Variants in KANK1 observed in about 807,000 individuals in gnomAD.
KANK1 encodes KN motif and ankyrin repeat domains 1, also known as KN motif and ankyrin repeat domain-containing protein 1.
Under a neutral mutation model 106.2 loss-of-function variants are expected in KANK1, and 109 were observed. The ratio of observed to expected loss-of-function variants is 1.03; its 90% CI spans 0.88 to 1.20. The LOEUF is 1.20. Ranked by LOEUF, KANK1 falls within the 50% of genes most tolerant of loss-of-function variation. The pLI is 0.00. For missense variants in KANK1, 2,399 were observed against 1,710.7 expected, an observed-to-expected ratio of 1.40 and a Z score of -7.10; for synonymous variants, 873 against 652.2, an observed-to-expected ratio of 1.34 and a Z score of -5.16.
chr9:589,830 G>A (rs184453301), intron 1 of KANK1, among the ~76,000 whole-genome samples: 1 of 152,184 alleles, frequency 6.6e-6, no homozygotes, highest in African/African-American at 2.4e-5. Context: ...ATCTGTGTGG[G>A]AAATGGGCCA....
chr9:699,312 C>T (rs1399474560), intron 2 of KANK1, among the ~76,000 whole-genome samples: 1 of 152,192 alleles, frequency 6.6e-6, no homozygotes, highest in Non-Finnish European at 1.5e-5. Context: ...TTTTGCTTAG[C>T]ACCTAGCCGT....
chr9:710,435 T>A (rs915227882), intron 2 of KANK1, among the ~76,000 whole-genome samples: 2 of 151,866 alleles, frequency 1.3e-5, no homozygotes, highest in African/African-American at 4.8e-5. Context: ...CTGGCCAACA[T>A]GGTGAAACCC....
chr9:703,686 A>C (rs1372853280), intron 2 of KANK1, among the ~76,000 whole-genome samples: 1 of 151,990 alleles, frequency 6.6e-6, no homozygotes, highest in East Asian at 1.9e-4. Flanking sequence ...GAGTCTCTTT[A>C]TAACCCAGGT....
At chr9:550,671 C>A (rs939061870) in intron 1 of KANK1, among the ~76,000 whole-genome samples, 2 of 152,188 alleles carry the variant, frequency 1.3e-5, no homozygotes, top group Non-Finnish European at 1.5e-5. Context: ...GGATTAAATT[C>A]TCTCACGTGC....
chr9:559,920 T>G (rs1587814829), intron 1 of KANK1, among the ~76,000 whole-genome samples: 1 of 152,236 alleles, frequency 6.6e-6, no homozygotes, highest in South Asian at 2.1e-4. Flanking sequence ...TGGAACTTTC[T>G]TAAGCATTTT....
intron 1 of KANK1, among the ~76,000 whole-genome samples, chr9:587,892 C>A (rs995021064): frequency 4.6e-5 from 7 of 152,048 alleles, no homozygotes; most frequent in East Asian, 3.9e-4. Flanking sequence ...ATGGCGAAAC[C>A]CCGTCTCTAA....
At chr9:593,196 G>A (rs939154601) in intron 1 of KANK1, among the ~76,000 whole-genome samples, 7 of 151,796 alleles carry the variant, frequency 4.6e-5, no homozygotes, top group African/African-American at 1.7e-4. Flanking sequence ...TCCTTTGGCA[G>A]ACCATGTGTT....
At chr9:597,200 A>G (rs952316240) in intron 1 of KANK1, among the ~76,000 whole-genome samples, 1 of 151,790 alleles carries the variant, frequency 6.6e-6, no homozygotes, top group Non-Finnish European at 1.5e-5. Flanking sequence ...GTGTGTAAGT[A>G]CTTGAGTCCC....
intron 1 of KANK1, among the ~76,000 whole-genome samples, chr9:609,157 C>G (rs1443982787): frequency 6.6e-6 from 1 of 151,866 alleles, no homozygotes; most frequent in East Asian, 1.9e-4. Flanking sequence ...TTGGCTTTAC[C>G]TAGTATTATT....
Position 711,356 on chromosome 9 carries a change from C to T in KANK1, c.590C>T (p.Pro197Leu), listed in dbSNP as rs149974823. The T allele has an allele frequency of 1.2e-6, 2 of 1,613,968 alleles. No individual in the cohort carries two copies. The highest frequency in any genetic ancestry group is 1.3e-5 in the African/African-American group (1 of 74,854). The change falls in exon 3 of 12, where the codon CCT becomes CTT. Residue 197 changes from proline to leucine, a missense_variant. Physicochemically the swap from Pro to Leu is moderately conservative, Grantham distance 98. Transcript: ENST00000382297. ...GGCATGGGCACCACAAGCTCCCTCC[C>T]TTCTTTTGTGGGTTCTGGAAACCAC... Reference protein sequence around the residue: ...FGGMGTTSSLPSFVGSGNHNP... With the variant: ...FGGMGTTSSLLSFVGSGNHNP...
Position 711,200 on chromosome 9 carries a change from C to T in KANK1, c.434C>T (p.Pro145Leu), listed in dbSNP as rs1707267348. 8.1e-6 allele frequency: 13 copies of T among 1,614,156 alleles called. No individual in the cohort carries two copies. The highest frequency in any genetic ancestry group is 1.1e-5 in the Non-Finnish European group (13 of 1,180,030). The change falls in exon 3 of 12, where the codon CCA becomes CTA. Residue 145 changes from proline (P) to leucine (L), a missense_variant. Pro to Leu is a moderately conservative substitution (Grantham distance 98). Transcript: ENST00000382297. ...AATCGACAGCTGCCACCTCCCTCAC[C>T]ACAACTCCCAAAGCATAACCTTCAT... The part of the protein sequence containing the change: ...PENRQLPPPS[P>L]QLPKHNLHVT...
At chr9:598,941 TA>T (rs1318788696) in intron 1 of KANK1, among the ~76,000 whole-genome samples, 1 of 148,662 alleles carries the variant, frequency 6.7e-6, no homozygotes, top group Non-Finnish European at 1.5e-5. Context: ...CATCCCTAGG[TA>T]TTTTATTCTT....
intron 1 of KANK1, among the ~76,000 whole-genome samples, chr9:648,555 G>A (rs1394017745): frequency 6.6e-6 from 1 of 152,192 alleles, no homozygotes; most frequent in African/African-American, 2.4e-5. Context: ...CTGAGCGCGA[G>A]GCTCTCAGAA....
chr9:507,133 C>CTTT (rs60184146), intron 1 of KANK1, among the ~76,000 whole-genome samples: 3 of 136,614 alleles, frequency 2.2e-5, no homozygotes, highest in Admixed American at 1.5e-4. Context: ...CTTATGCCAT[C>CTTT]TTTTTTTTTT....
At chr9:738,918 T>A (rs1834560891) in intron 8 of KANK1, among the ~76,000 whole-genome samples, 1 of 152,192 alleles carries the variant, frequency 6.6e-6, no homozygotes. Flanking sequence ...GATTTGACCT[T>A]ACTCCATGAC....
At chr9:572,469 G>A (rs1388887860) in intron 1 of KANK1, among the ~76,000 whole-genome samples, 4 of 152,036 alleles carry the variant, frequency 2.6e-5, no homozygotes, top group East Asian at 1.9e-4. Context: ...GGAGACTGGC[G>A]TGAACCTGGG....
intron 1 of KANK1, among the ~76,000 whole-genome samples, chr9:576,138 C>A (rs1037798069): frequency 3.3e-5 from 5 of 152,218 alleles, no homozygotes; most frequent in African/African-American, 9.6e-5. Flanking sequence ...CCTATCAGAC[C>A]TACTGCTTAC....
chr9:579,800 C>T (rs755058665), intron 1 of KANK1, among the ~76,000 whole-genome samples: 18 of 152,110 alleles, frequency 1.2e-4, no homozygotes, highest in Non-Finnish European at 1.8e-4. Context: ...GTTCATTAAC[C>T]CCACACTTAG....
At chr9:563,958 C>T (rs1817149502) in intron 1 of KANK1, among the ~76,000 whole-genome samples, 1 of 152,076 alleles carries the variant, frequency 6.6e-6, no homozygotes, top group African/African-American at 2.4e-5. Context: ...CACATTATGG[C>T]CTGTGAACCT....
Sources: gnomAD v4.1 joint callset for allele counts (sites outside exome capture counted in the v4.1 genomes callset) on GRCh38, gnomAD v4.1.1 for gene constraint, MANE v1.5 for transcripts, NCBI Gene and HGNC (gene_info 2026-07-23, HGNC 2026-07-21) for gene names.